The following JPH2 variants were observed in gnomAD, a reference collection of about 807,000 sequenced individuals.
JPH2 encodes the protein junctophilin 2.
In JPH2, 38 loss-of-function variants were observed where a neutral mutation model predicts 55.9. The ratio of observed to expected loss-of-function variants is 0.68; its 90% CI spans 0.52 to 0.89. The LOEUF is 0.89. Among genes scored for constraint, JPH2 ranks in the 40% least tolerant of loss-of-function variants. JPH2 has a pLI of 0.00. For missense variants in JPH2, 964 were observed against 1,037.6 expected, an observed-to-expected ratio of 0.93 and a Z score of 0.97; for synonymous variants, 480 against 472.4, an observed-to-expected ratio of 1.02 and a Z score of -0.21.
At chr20:44,126,188 A>AAGGAAGGAAGGAAGGG (rs796524844) in intron 2 of JPH2, among the ~76,000 whole-genome samples, 218 of 95,666 alleles carry the variant, frequency 2.3e-3, no homozygotes, top group African/African-American at 3.9e-3. Context: ...GGAAGGAAGG[A>AAGGAAGGAAGGAAGGG]AGGGAGGAAG....
At chr20:44,115,602 T>TC in intron 4 of JPH2, 63 bp downstream of exon 4, 1 of 1,602,552 alleles carries the variant, frequency 6.2e-7, no homozygotes, top group South Asian at 1.1e-5. Flanking sequence ...CCCTGAATCC[T>TC]CCCTCAAGCC....
In JPH2 at chr20:44,118,520, C is replaced by T. The variant is rs1441292605; in HGVS notation, c.1273G>A (p.Asp425Asn). 1.2e-6 allele frequency: 2 copies of T among 1,613,002 alleles called. No homozygotes were observed. Among genetic ancestry groups the T allele is most frequent in the Admixed American group, 1.7e-5 (1 of 60,028 alleles). The change falls in exon 3 of 6, where the codon GAC becomes AAC. Residue 425 changes from aspartate (D) to asparagine (N), a missense_variant. Transcript: ENST00000372980. ...ARTLARELAP[D>N]FYQPGPEYQK... is the part of the protein sequence containing the mutation. Reference sequence around the variant, plus strand: ...CTGGCCCTACCTGGCTGGTAGAAGTCCGGAGCCAGCTCCCTGGCCAAAGTG... The same window carrying T: ...CTGGCCCTACCTGGCTGGTAGAAGTTCGGAGCCAGCTCCCTGGCCAAAGTG...
chr20:44,154,000 C>T (rs1037746816), intron 2 of JPH2, among the ~76,000 whole-genome samples: 6 of 152,182 alleles, frequency 3.9e-5, no homozygotes, highest in Non-Finnish European at 5.9e-5. Flanking sequence ...AATCCAGTAT[C>T]TATGACCTTA....
At chr20:44,172,405 G>T (rs1440930277) in intron 1 of JPH2, among the ~76,000 whole-genome samples, 1 of 152,190 alleles carries the variant, frequency 6.6e-6, no homozygotes, top group Non-Finnish European at 1.5e-5. Flanking sequence ...CCCCCACCAT[G>T]ACTGCAAAGT....
Position 44,160,472 on chromosome 20 carries a change from T to A in JPH2, c.380-65A>T. 3 of 1,549,112 alleles carry A rather than the reference T, an allele frequency of 1.9e-6. No individual in the cohort carries two copies. Among genetic ancestry groups the A allele is most frequent in the Non-Finnish European group, 1.8e-6 (2 of 1,140,652 alleles). On this transcript the variant is annotated intron_variant, in intron 1 of 5. Coordinates refer to ENST00000372980, the MANE Select transcript of JPH2 (RefSeq NM_020433.5). This position sits in a 1 kb window ranked among gnomAD's most constrained non-coding sequence, Gnocchi z 4.9. ...GGGTCCCCGCGTGTGCACGGTGGCC[T>A]GGGAGGGCAAGGGCGGGAGTGGGCA...
chr20:44,182,523 C>T (rs2072793416), intron 1 of JPH2, among the ~76,000 whole-genome samples: 1 of 152,148 alleles, frequency 6.6e-6, no homozygotes, highest in Non-Finnish European at 1.5e-5. Context: ...GTGATCCAGC[C>T]CAGGCCACGA....
In JPH2 at chr20:44,107,976, C is replaced by A. The variant is rs2072118020; in HGVS notation, c.*5542G>T. ...CCAGATGGCTTATAGTGAGTGCTGGCCATGCCAGAAAAATCAACCACAGGG... is the reference window on the plus strand; with the variant it reads ...CCAGATGGCTTATAGTGAGTGCTGGACATGCCAGAAAAATCAACCACAGGG... On this transcript the variant is annotated 3_prime_UTR_variant, in exon 6 of 6. Transcript: ENST00000372980. 6.6e-6 allele frequency among the ~76,000 whole-genome samples: 1 copy of A among 152,174 alleles called. No homozygotes were observed. Among genetic ancestry groups the A allele is most frequent in the Non-Finnish European group, 1.5e-5 (1 of 68,034 alleles).
At chr20:44,129,887 A>T (rs1202010929) in intron 2 of JPH2, among the ~76,000 whole-genome samples, 1 of 152,166 alleles carries the variant, frequency 6.6e-6, no homozygotes, top group Non-Finnish European at 1.5e-5. Flanking sequence ...AGACAGAGGA[A>T]GGTGCCATAA....
chr20:44,149,484 C>T (rs916240370), intron 2 of JPH2, among the ~76,000 whole-genome samples: 3 of 152,178 alleles, frequency 2.0e-5, no homozygotes, highest in Admixed American at 6.5e-5. Flanking sequence ...TGTAGCCACA[C>T]GTTGGTGAGT....
At chr20:44,114,169 G>A (rs184687169) in intron 5 of JPH2, among the ~76,000 whole-genome samples, 10 of 152,214 alleles carry the variant, frequency 6.6e-5, no homozygotes, top group South Asian at 2.1e-4. Flanking sequence ...TCCACTTCAC[G>A]GGAACTTACC....
chr20:44,123,812 A>G (rs1399239025), intron 2 of JPH2, among the ~76,000 whole-genome samples: 3 of 152,220 alleles, frequency 2.0e-5, no homozygotes, highest in African/African-American at 7.2e-5. Context: ...TAAGTTTGAG[A>G]AGCACGTGTT....
At chr20:44,156,458 C>T (rs2072567332) in intron 2 of JPH2, among the ~76,000 whole-genome samples, 1 of 152,142 alleles carries the variant, frequency 6.6e-6, no homozygotes, top group African/African-American at 2.4e-5. Flanking sequence ...CCTGGTCCTG[C>T]CTGTCTTAGA....
intron 3 of JPH2, among the ~76,000 whole-genome samples, chr20:44,117,350 T>C (rs897008785): frequency 6.6e-6 from 1 of 152,210 alleles, no homozygotes; most frequent in Non-Finnish European, 1.5e-5. Flanking sequence ...CCCACCACTC[T>C]ATCCATGTGC....
intron 2 of JPH2, among the ~76,000 whole-genome samples, chr20:44,129,408 T>C (rs1419149820): frequency 6.6e-6 from 1 of 151,844 alleles, no homozygotes; most frequent in African/African-American, 2.4e-5. Context: ...TACAAAAATT[T>C]GCTGGGCGCA....
intron 2 of JPH2, among the ~76,000 whole-genome samples, chr20:44,123,772 A>C (rs928111705): frequency 6.6e-6 from 1 of 152,186 alleles, no homozygotes; most frequent in Non-Finnish European, 1.5e-5. Context: ...CGAGCCTAGG[A>C]ATCTGTGTTT....
At chr20:44,161,285 C>T (rs1011548293) in intron 1 of JPH2, among the ~76,000 whole-genome samples, 9 of 152,188 alleles carry the variant, frequency 5.9e-5, no homozygotes, top group African/African-American at 1.9e-4. Context: ...ACACTGAGAC[C>T]GTATGAAACC....
rs572602608 is a variant in JPH2 at position 44,160,456 on chromosome 20, C to T, written c.380-49G>A. Reference sequence around the variant, plus strand: ...CAGTAGGCGGCACGACGGGTCCCCGCGTGTGCACGGTGGCCTGGGAGGGCA... The same window carrying T: ...CAGTAGGCGGCACGACGGGTCCCCGTGTGTGCACGGTGGCCTGGGAGGGCA... On this transcript the variant is annotated intron_variant, in intron 1 of 5. Transcript: ENST00000372980. The surrounding 1 kb of genome is among the most constrained non-coding windows in gnomAD (Gnocchi z 4.9). 11 of 1,580,692 alleles carry T rather than the reference C, an allele frequency of 7.0e-6. No homozygotes were observed. The East Asian group carries it at 2.1e-4, about 30-fold the overall frequency.
chr20:44,137,390 C>T (rs60770750), intron 2 of JPH2, among the ~76,000 whole-genome samples: 23,157 of 152,100 alleles, frequency 0.15, 1,977 homozygotes, highest in Admixed American at 0.26. Context: ...CCCAGCCCAG[C>T]GGCCTCCCCC....
At chr20:44,148,299 G>A (rs938703191) in intron 2 of JPH2, among the ~76,000 whole-genome samples, 6 of 152,180 alleles carry the variant, frequency 3.9e-5, no homozygotes, top group South Asian at 2.1e-4. Flanking sequence ...ATCCAATAGC[G>A]TTGGCCATTA....
Sources: allele counts gnomAD v4.1 joint callset (sites outside exome capture counted in the v4.1 genomes callset), GRCh38; gene constraint gnomAD v4.1.1; non-coding constraint Gnocchi (gnomAD v3.1); transcripts MANE v1.5; gene names NCBI Gene and HGNC (gene_info 2026-07-23, HGNC 2026-07-21).